Variants in ALK observed in about 807,000 individuals in gnomAD.
The protein encoded by ALK is ALK tyrosine kinase receptor.
A neutral mutation model predicts 163.1 loss-of-function variants in ALK; 74 were observed. The ratio of observed to expected loss-of-function variants is 0.45; its 90% confidence interval spans 0.38 to 0.55. ALK has a LOEUF of 0.55. Among genes scored for constraint, ALK ranks in the 20% least tolerant of loss-of-function variants. The pLI is 0.00. For synonymous variants in ALK, 960 were observed against 843.2 expected (o/e 1.14, Z -2.40); for missense variants, 2,063 against 2,105.3 (o/e 0.98, Z 0.39).
intron 1 of ALK, among the ~76,000 whole-genome samples, chr2:29,820,808 C>T (rs756028975): frequency 2.5e-4 from 38 of 152,204 alleles, no homozygotes; most frequent in Non-Finnish European, 2.5e-4. Context: ...GTTGGAGAAC[C>T]AACCCAGCAC....
rs4589708 is a variant in ALK at position 29,275,344 on chromosome 2, A to G, written c.1912+58T>C. The G allele has an allele frequency of 0.96, 1,550,400 of 1,609,496 alleles. 750,434 individuals are homozygous for G. The highest frequency in any genetic ancestry group is 0.99 in the Non-Finnish European group (1,161,860 of 1,176,170). Reference sequence around the variant, plus strand: ...TCAGGCTTAGGCTGAGGAGGGGACAATGAGGCCATGGGCCATGGGGGTTGG... The same window carrying G: ...TCAGGCTTAGGCTGAGGAGGGGACAGTGAGGCCATGGGCCATGGGGGTTGG... On this transcript the variant is annotated intron_variant, in intron 10 of 28. Coordinates refer to ENST00000389048, the MANE Select transcript of ALK (RefSeq NM_004304.5).
intron 3 of ALK, among the ~76,000 whole-genome samples, chr2:29,581,292 G>A (rs1674682716): frequency 6.6e-6 from 1 of 152,194 alleles, no homozygotes; most frequent in Non-Finnish European, 1.5e-5. Flanking sequence ...GGAGGCTGAG[G>A]CAGGAGAATC....
At chr2:29,608,278 C>T (rs1387173051) in intron 3 of ALK, among the ~76,000 whole-genome samples, 1 of 152,182 alleles carries the variant, frequency 6.6e-6, no homozygotes, top group African/African-American at 2.4e-5. Context: ...TGTCTGTCTT[C>T]CCTCACTAGA....
Position 29,275,459 on chromosome 2 carries a change from A to T in ALK, c.1855T>A (p.Ser619Thr). 6.2e-7 allele frequency: 1 copy of T among 1,614,126 alleles called. No homozygotes were observed. Among genetic ancestry groups the T allele is most frequent in the Non-Finnish European group, 8.5e-7 (1 of 1,180,010 alleles). The change falls in exon 10 of 29, where the codon TCC becomes ACC. Residue 619 changes from serine to threonine, a missense_variant. Coordinates refer to ENST00000389048, the MANE Select transcript of ALK (RefSeq NM_004304.5). ...LQMVAWWGQG[S>T]RAIVAFDNIS... Reference sequence around the variant, plus strand: ...TTGTCAAAAGCCACGATGGCTCTGGATCCTTGTCCCCACCATGCGACCATC... The same window carrying T: ...TTGTCAAAAGCCACGATGGCTCTGGTTCCTTGTCCCCACCATGCGACCATC...
intron 2 of ALK, among the ~76,000 whole-genome samples, chr2:29,697,495 A>C (rs1412220295): frequency 6.6e-6 from 1 of 152,094 alleles, no homozygotes; most frequent in East Asian, 1.9e-4. Context: ...TTCCTTGCTC[A>C]TTGTCCACTC....
At chr2:29,309,154 G>GAAA (rs1001875778) in intron 8 of ALK, among the ~76,000 whole-genome samples, 5 of 152,218 alleles carry the variant, frequency 3.3e-5, no homozygotes, top group Non-Finnish European at 5.9e-5. Flanking sequence ...GACACCACTG[G>GAAA]AAAAAGTAGA....
chr2:29,574,890 C>T (rs79265185), intron 3 of ALK, among the ~76,000 whole-genome samples: 1 of 152,286 alleles, frequency 6.6e-6, no homozygotes, highest in African/African-American at 2.4e-5. Flanking sequence ...GCTGAAGTGC[C>T]CTTTGATGCT....
At chr2:29,478,682 G>T (rs1433396380) in intron 4 of ALK, among the ~76,000 whole-genome samples, 1 of 152,226 alleles carries the variant, frequency 6.6e-6, no homozygotes, top group Non-Finnish European at 1.5e-5. Flanking sequence ...CTGTATCAAC[G>T]ATGAGCATGG....
intron 4 of ALK, among the ~76,000 whole-genome samples, chr2:29,415,111 T>G (rs1468569491): frequency 2.7e-5 from 4 of 149,920 alleles, no homozygotes; most frequent in Non-Finnish European, 4.4e-5. Flanking sequence ...CAATTAAGCT[T>G]CTTCTTCCCT....
chr2:29,783,256 G>A (rs958001333), intron 1 of ALK, among the ~76,000 whole-genome samples: 9 of 152,118 alleles, frequency 5.9e-5, no homozygotes, highest in African/African-American at 1.7e-4. Context: ...ATTTAGCTTC[G>A]ATGCTATTCT....
At chr2:29,710,596 A>C (rs1679060561) in intron 2 of ALK, among the ~76,000 whole-genome samples, 1 of 151,168 alleles carries the variant, frequency 6.6e-6, no homozygotes, top group Non-Finnish European at 1.5e-5. Flanking sequence ...CCTCACTGCA[A>C]CCTCTGCCTC....
intron 4 of ALK, among the ~76,000 whole-genome samples, chr2:29,529,185 G>A (rs563220128): frequency 3.5e-4 from 53 of 152,308 alleles, no homozygotes; most frequent in African/African-American, 1.2e-3. Flanking sequence ...GTGGTTTCCG[G>A]GGAACTTGGT....
At chr2:29,397,508 A>T (rs1467825383) in intron 4 of ALK, among the ~76,000 whole-genome samples, 5 of 152,230 alleles carry the variant, frequency 3.3e-5, no homozygotes, top group Non-Finnish European at 7.3e-5. Flanking sequence ...TTGTTATGGC[A>T]GTCCTTGCAA....
chr2:29,537,220 T>C (rs1673282393), intron 3 of ALK, among the ~76,000 whole-genome samples: 2 of 152,156 alleles, frequency 1.3e-5, no homozygotes, highest in Admixed American at 6.5e-5. Context: ...AAAAAAAAGA[T>C]CGCAAGGGCA....
chr2:29,260,849 CAA>C (rs11300686), intron 11 of ALK, among the ~76,000 whole-genome samples: 3,063 of 149,568 alleles, frequency 0.02, 102 homozygotes, highest in African/African-American at 0.071. Context: ...CAAAACAAAA[CAA>C]AAAAAAAAAC....
chr2:29,228,927 A>AAACC lies in ALK; in HGVS notation c.2771_2772insGGTT (p.Gly925ValfsTer24). On this transcript the variant is annotated frameshift_variant, in exon 16 of 29. Coordinates refer to ENST00000389048, the MANE Select transcript of ALK (RefSeq NM_004304.5). LOFTEE classifies it high-confidence loss of function. ...CTCCACCTGAGGAGCACCCCCCTCC[A>AAACC]CCCCCTCCGAAACCCCCTCTTGTCT... The AAACC allele has an allele frequency of 1.8e-6, 1 of 565,828 alleles. No homozygotes were observed. Among genetic ancestry groups the AAACC allele is most frequent in the Admixed American group, 3.0e-5 (1 of 33,168 alleles). The allele number at this position is 565,828 out of a possible 1,614,324, so 35.1% of individuals were successfully genotyped here. A position where few individuals can be genotyped will look rare whatever the true frequency, so the allele number is the denominator to read the frequency against.
intron 4 of ALK, among the ~76,000 whole-genome samples, chr2:29,520,224 T>G (rs1449330804): frequency 6.6e-6 from 1 of 152,214 alleles, no homozygotes; most frequent in Non-Finnish European, 1.5e-5. Context: ...TAACCCAGGC[T>G]GAAGACAGTC....
chr2:29,740,626 C>A (rs1284075229), intron 1 of ALK, among the ~76,000 whole-genome samples: 2 of 152,188 alleles, frequency 1.3e-5, no homozygotes, highest in East Asian at 3.8e-4. Context: ...ACAAATCACA[C>A]TAACATAGAG....
Position 29,753,751 on chromosome 2 carries a change from G to A in ALK, c.668-36054C>T, listed in dbSNP as rs528234113. Among the ~76,000 whole-genome samples, 51 of 152,166 alleles carry A rather than the reference G, an allele frequency of 3.4e-4. 1 individual carries two copies. Among genetic ancestry groups the A allele is most frequent in the Non-Finnish European group, 6.9e-4 (47 of 68,030 alleles). ...AATTTCCCAAAGTTTAAACTCGGCTGAACCATAACTGAATGCCCTTGACAG... is the reference window on the plus strand; with the variant it reads ...AATTTCCCAAAGTTTAAACTCGGCTAAACCATAACTGAATGCCCTTGACAG... On this transcript the variant is annotated intron_variant, in intron 1 of 28. Transcript: ENST00000389048.
Sources: allele counts gnomAD v4.1 joint callset (sites outside exome capture counted in the v4.1 genomes callset), GRCh38; gene constraint gnomAD v4.1.1; transcripts MANE v1.5; gene names NCBI Gene and HGNC (gene_info 2026-07-23, HGNC 2026-07-21).